BBS12: variants seen among roughly 807,000 people sequenced by gnomAD.
The protein encoded by BBS12 is chaperonin-containing T-complex member BBS12.
In BBS12, 5 loss-of-function variants were observed where a neutral mutation model predicts 5.6. The observed-to-expected ratio is 0.89, with a 90% CI of 0.46 to 1.86. The LOEUF (loss-of-function observed/expected upper bound fraction) is 1.86, where lower values mean the gene tolerates loss of function less well. BBS12 is among the 40% of genes most tolerant of loss of function. BBS12 has a pLI of 0.01. For synonymous variants in BBS12, 308 were observed against 306.8 expected (o/e 1.00, Z -0.04); for missense variants, 748 against 830.4 (o/e 0.90, Z 1.22).
chr4:122,738,143 T>C (rs1413085519), intron 1 of BBS12, among the ~76,000 whole-genome samples: 1 of 152,034 alleles, frequency 6.6e-6, no homozygotes, highest in Non-Finnish European at 1.5e-5. Flanking sequence ...ACAAATAATA[T>C]GAGCAAACAA....
chr4:122,707,060 T>C, the BBS12 span, among the ~76,000 whole-genome samples: 26 of 145,516 alleles, frequency 1.8e-4, no homozygotes, highest in Non-Finnish European at 2.9e-4. Flanking sequence ...CTCTCTTTTT[T>C]TTTTTTTTTT....
the BBS12 span, among the ~76,000 whole-genome samples, chr4:122,721,551 G>C: frequency 6.6e-6 from 1 of 152,238 alleles, no homozygotes; most frequent in Non-Finnish European, 1.5e-5. Flanking sequence ...GCAGGGTTTA[G>C]TGGGAGCAGA....
rs762853916 is a variant in BBS12 at position 122,743,195 on chromosome 4, G to A, written c.1303G>A (p.Gly435Ser). The change falls in exon 2 of 2, where the codon GGC (glycine) becomes AGC (serine). Residue 435 changes from glycine to serine, a missense_variant. Coordinates refer to ENST00000314218, the MANE Select transcript of BBS12 (RefSeq NM_152618.3). Reference sequence around the variant, plus strand: ...TATAAACAGTAAGCGGTTGGTAATCGGCTCAGTGAATGGCAGTGTGATGCA... The same window carrying A: ...TATAAACAGTAAGCGGTTGGTAATCAGCTCAGTGAATGGCAGTGTGATGCA... ...KCINSKRLVI[G>S]SVNGSVMQAF... 1.6e-5 allele frequency: 26 copies of A among 1,614,166 alleles called. No individual in the cohort carries two copies. Among genetic ancestry groups the A allele is most frequent in the African/African-American group, 1.3e-4 (10 of 75,034 alleles).
Position 122,742,650 on chromosome 4 carries a change from A to C in BBS12, c.758A>C (p.Gln253Pro). 6.2e-7 allele frequency: 1 copy of C among 1,614,260 alleles called. No individual in the cohort carries two copies. The highest frequency in any genetic ancestry group is 1.7e-5 in the Admixed American group (1 of 60,032). ...TEGVSKPDGF[Q>P]EHVTATHKTY... ...GGGGTAAGCAAACCAGATGGATTTC[A>C]AGAACATGTTACAGCTACTCACAAA... Residue 253 changes from glutamine to proline, a missense_variant, in exon 2 of 2, where the codon CAA (glutamine) becomes CCA (proline). By Grantham distance (76) the Gln-to-Pro change is moderately conservative. Transcript: ENST00000314218.
At chr4:122,704,718 G>A in the BBS12 span, among the ~76,000 whole-genome samples, 2 of 152,264 alleles carry the variant, frequency 1.3e-5, no homozygotes, top group African/African-American at 4.8e-5. Context: ...GTTACAAAGA[G>A]CTTGCCCTGT....
At chr4:122,705,014 A>T in the BBS12 span, among the ~76,000 whole-genome samples, 1 of 152,250 alleles carries the variant, frequency 6.6e-6, no homozygotes, top group African/African-American at 2.4e-5. Context: ...ACAAAGTACC[A>T]TGATGAGCTT....
chr4:122,725,052 A>C, the BBS12 span, among the ~76,000 whole-genome samples: 1 of 152,146 alleles, frequency 6.6e-6, no homozygotes, highest in Non-Finnish European at 1.5e-5. Flanking sequence ...CCATTATGAG[A>C]CTAAATACTG....
the BBS12 span, among the ~76,000 whole-genome samples, chr4:122,719,591 T>C: frequency 6.6e-6 from 1 of 151,980 alleles, no homozygotes; most frequent in Non-Finnish European, 1.5e-5. Flanking sequence ...TTAAGAGCTG[T>C]AACACTCACT....
chr4:122,735,469 A>C (rs1460414918), intron 1 of BBS12, among the ~76,000 whole-genome samples: 1 of 152,190 alleles, frequency 6.6e-6, no homozygotes, highest in Non-Finnish European at 1.5e-5. Context: ...GTGCTTTTTC[A>C]GTGCTAATTC....
In BBS12 at chr4:122,742,863, C is replaced by G; in HGVS notation, c.971C>G (p.Pro324Arg). ...TTCACTTGCTGTCTACCAGGCTTAC[C>G]TGAAACTTCTTCTTGTGTTTGTCCA... The part of the protein sequence containing the change: ...RIFTCCLPGL[P>R]ETSSCVCPGY... Residue 324 changes from proline to arginine, a missense_variant, in exon 2 of 2, where the codon CCT (proline) becomes CGT (arginine). By Grantham distance (103) the Pro-to-Arg change is moderately radical. Transcript: ENST00000314218. The G allele has an allele frequency of 2.5e-6, 4 of 1,614,186 alleles. No homozygotes were observed. Among genetic ancestry groups the G allele is most frequent in the Non-Finnish European group, 3.4e-6 (4 of 1,180,020 alleles).
the BBS12 span, among the ~76,000 whole-genome samples, chr4:122,726,500 T>C: frequency 6.6e-6 from 1 of 152,182 alleles, no homozygotes; most frequent in Non-Finnish European, 1.5e-5. Flanking sequence ...ACAGCCACTA[T>C]GGAAAAAACT....
intron 1 of BBS12, among the ~76,000 whole-genome samples, chr4:122,737,356 G>A (rs2063289681): frequency 6.6e-6 from 1 of 152,166 alleles, no homozygotes; most frequent in Non-Finnish European, 1.5e-5. Context: ...TAATAGCATA[G>A]GCTTTAACAT....
the BBS12 span, among the ~76,000 whole-genome samples, chr4:122,701,669 G>C: frequency 3.9e-5 from 6 of 152,206 alleles, no homozygotes; most frequent in African/African-American, 1.4e-4. Context: ...GTAGGCACTA[G>C]TGACACCACT....
At position 122,743,455 on chromosome 4, in the gene BBS12, A is replaced by G. The variant is rs1800926316; in HGVS notation, c.1563A>G (p.Thr521=). Residue 521 remains threonine, a synonymous_variant, in exon 2 of 2, where the codon ACA becomes ACG. Coordinates refer to ENST00000314218, the MANE Select transcript of BBS12 (RefSeq NM_152618.3). ...QMQIKEDRFW[T]CAYRLYYALK... is the part of the protein sequence containing the mutation. ...AAATCAAAGAAGATAGGTTCTGGAC[A>G]TGTGCCTATCGTTTGTATTATGCTC... 4 of 1,614,222 alleles carry G rather than the reference A, an allele frequency of 2.5e-6. No individual in the cohort carries two copies. Among genetic ancestry groups the G allele is most frequent in the Non-Finnish European group, 3.4e-6 (4 of 1,180,024 alleles).
chr4:122,728,446 A>C (rs1203837512), upstream of BBS12: 1 of 152,260 alleles, frequency 6.6e-6, no homozygotes, highest in Admixed American at 6.5e-5. Context: ...TTCTGTATAC[A>C]TATGTATATG....
chr4:122,712,947 T>C, the BBS12 span, among the ~76,000 whole-genome samples: 1 of 152,258 alleles, frequency 6.6e-6, no homozygotes, highest in African/African-American at 2.4e-5. Context: ...AGATGTCAGC[T>C]ACTTGGGCAA....
At chr4:122,707,434 G>A in the BBS12 span, among the ~76,000 whole-genome samples, 2 of 152,162 alleles carry the variant, frequency 1.3e-5, no homozygotes, top group Middle Eastern at 3.4e-3. Context: ...ACTTAAAAAT[G>A]AATATAGATC....
chr4:122,744,098 AGTCATG>A lies in BBS12; in HGVS notation c.*76_*81del, dbSNP rs1176691633. 4 of 1,469,050 alleles carry A rather than the reference AGTCATG, an allele frequency of 2.7e-6. No individual in the cohort carries two copies. The highest frequency in any genetic ancestry group is 3.8e-6 in the Non-Finnish European group (4 of 1,053,706). The allele number at this position is 1,469,050 out of a possible 1,614,324, so 91.0% of individuals were successfully genotyped here. A position where few individuals can be genotyped will look rare whatever the true frequency, so the allele number is the denominator to read the frequency against. ...CTAATAATAAATATATTGATAGCCA[AGTCATG>A]GTGCCTAAAATGCCAGCTATTGCCA... On this transcript the variant is annotated 3_prime_UTR_variant, in exon 2 of 2. Transcript: ENST00000314218.
chr4:122,733,245 G>A (rs1347069991), intron 1 of BBS12, among the ~76,000 whole-genome samples: 6 of 152,056 alleles, frequency 3.9e-5, no homozygotes, highest in Admixed American at 3.3e-4. Context: ...GATAAGCATG[G>A]GTCTTGGGAT....
Sources: allele counts gnomAD v4.1 joint callset (sites outside exome capture counted in the v4.1 genomes callset), GRCh38; gene constraint gnomAD v4.1.1; transcripts MANE v1.5; gene names NCBI Gene and HGNC (gene_info 2026-07-23, HGNC 2026-07-21).